The following PACS1 variants were observed in gnomAD, a reference collection of about 807,000 sequenced individuals.
PACS1 encodes phosphofurin acidic cluster sorting protein 1, also known as PACS-1.
Under a neutral mutation model 115.0 loss-of-function variants are expected in PACS1, and 24 were observed. The ratio of observed to expected loss-of-function variants is 0.21; its 90% CI spans 0.15 to 0.29. The LOEUF is 0.29. PACS1 is among the 10% of genes least tolerant of loss of function. PACS1 has a pLI of 1.00. For missense variants in PACS1, 838 were observed against 1,251.2 expected (o/e 0.67, Z 4.98); for synonymous variants, 453 against 504.5 (o/e 0.90, Z 1.37).
intron 1 of PACS1, among the ~76,000 whole-genome samples, chr11:66,076,537 C>T (rs936856705): frequency 1.3e-5 from 2 of 152,034 alleles, no homozygotes; most frequent in Non-Finnish European, 2.9e-5. Flanking sequence ...GGACTATAGG[C>T]GCACGCCACC....
chr11:66,130,103 A>G (rs1380692006), intron 1 of PACS1, among the ~76,000 whole-genome samples: 1 of 152,204 alleles, frequency 6.6e-6, no homozygotes, highest in East Asian at 1.9e-4. Context: ...TTTTGGGTGC[A>G]TGAGGATGAA....
intron 1 of PACS1, among the ~76,000 whole-genome samples, chr11:66,175,128 G>C (rs914201588): frequency 6.6e-6 from 1 of 151,666 alleles, no homozygotes; most frequent in African/African-American, 2.4e-5. Context: ...TGGTGCAACT[G>C]GTCTGCCTGG....
At chr11:66,242,640 T>C (rs568363947) in intron 22 of PACS1, among the ~76,000 whole-genome samples, 23 of 152,222 alleles carry the variant, frequency 1.5e-4, no homozygotes, top group African/African-American at 5.5e-4. Context: ...TGGAAAGGAC[T>C]TCAGAGACCA....
intron 9 of PACS1, 140 bp downstream of exon 9, chr11:66,220,931 A>T: frequency 9.4e-7 from 1 of 1,067,324 alleles, no homozygotes; most frequent in South Asian, 1.6e-5. Flanking sequence ...GTCTTGGAGA[A>T]GGTCACTGTT....
chr11:66,242,854 G>A, intron 22 of PACS1, 58 bp from the exon 23 acceptor site: 1 of 1,609,182 alleles, frequency 6.2e-7, no homozygotes, highest in Non-Finnish European at 8.5e-7. Context: ...GGCTGGGGAG[G>A]AGAGGGGTGG....
chr11:66,189,704 G>A (rs768064431), intron 1 of PACS1, among the ~76,000 whole-genome samples: 1 of 152,168 alleles, frequency 6.6e-6, no homozygotes, highest in Non-Finnish European at 1.5e-5. Flanking sequence ...CCTGTGAGAC[G>A]TTTATCTTGC....
rs764250718 is a variant in PACS1, at chr11:66,216,508, T to A, written c.806-12T>A. Reference sequence around the variant, plus strand: ...CCATTGCAAGGTTATCTTACTCAGGTGTCTGTTGCAGATCGTTCTCCTGAT... The same window carrying A: ...CCATTGCAAGGTTATCTTACTCAGGAGTCTGTTGCAGATCGTTCTCCTGAT... On this transcript the variant is annotated splice_polypyrimidine_tract_variant and intron_variant, in intron 5 of 23. Transcript: ENST00000320580. 6.2e-7 allele frequency: 1 copy of A among 1,604,964 alleles called. No homozygotes were observed. Among genetic ancestry groups the A allele is most frequent in the Non-Finnish European group, 8.5e-7 (1 of 1,171,762 alleles).
rs147132058 is a variant in PACS1, at chr11:66,155,029, A to G, written c.357-38457A>G. Among the ~76,000 whole-genome samples, 5 of 152,350 alleles carry G rather than the reference A, an allele frequency of 3.3e-5. No individual in the cohort carries two copies. The East Asian group carries it at 9.6e-4, about 29-fold the overall frequency. ...GCAGCAAAGGTCCTGAGGCAATTCA[A>G]TGGGGAAAGGAACATCTTTTCAACA... On this transcript the variant is annotated intron_variant, in intron 1 of 23. Coordinates refer to ENST00000320580, the MANE Select transcript of PACS1 (RefSeq NM_018026.4).
intron 1 of PACS1, among the ~76,000 whole-genome samples, chr11:66,170,813 T>G (rs960536562): frequency 6.9e-6 from 1 of 145,754 alleles, no homozygotes; most frequent in Non-Finnish European, 1.5e-5. Flanking sequence ...TGTGGTGGCA[T>G]GCACGTTAGT....
chr11:66,220,541 A>T, intron 8 of PACS1, 90 bp from the exon 9 acceptor site: 1 of 1,262,798 alleles, frequency 7.9e-7, no homozygotes, highest in Non-Finnish European at 1.1e-6. Context: ...AAGCAGGACT[A>T]TAAGGGCAGC....
intron 1 of PACS1, among the ~76,000 whole-genome samples, chr11:66,089,515 T>C (rs894504693): frequency 6.6e-6 from 1 of 152,180 alleles, no homozygotes; most frequent in African/African-American, 2.4e-5. Flanking sequence ...GATTGAACGC[T>C]GGACTTGGAA....
chr11:66,075,228 C>T (rs1226881654), intron 1 of PACS1, among the ~76,000 whole-genome samples: 3 of 152,090 alleles, frequency 2.0e-5, no homozygotes, highest in Non-Finnish European at 4.4e-5. Context: ...CAGGCGTGAG[C>T]CACCATGCCC....
chr11:66,134,133 C>G (rs1296736458), intron 1 of PACS1, among the ~76,000 whole-genome samples: 2 of 152,012 alleles, frequency 1.3e-5, no homozygotes, highest in East Asian at 3.9e-4. Context: ...AGCGTAATTC[C>G]CCACCATCCC....
intron 1 of PACS1, among the ~76,000 whole-genome samples, chr11:66,101,862 A>G (rs1857927589): frequency 6.6e-6 from 1 of 152,192 alleles, no homozygotes; most frequent in Non-Finnish European, 1.5e-5. Context: ...ACTTGCTGTT[A>G]GTGGTGGGCC....
At chr11:66,086,300 G>C (rs993930018) in intron 1 of PACS1, among the ~76,000 whole-genome samples, 14 of 150,858 alleles carry the variant, frequency 9.3e-5, no homozygotes, top group African/African-American at 2.9e-4. Flanking sequence ...TACCTCGCCC[G>C]GCTAATTTTT....
chr11:66,234,649 C>T (rs917182512), intron 17 of PACS1, among the ~76,000 whole-genome samples: 2 of 152,084 alleles, frequency 1.3e-5, no homozygotes, highest in Admixed American at 6.6e-5. Context: ...GTCAAGGGCA[C>T]GGTGGATCAC....
At chr11:66,170,873 G>C (rs1366467883) in intron 1 of PACS1, among the ~76,000 whole-genome samples, 1 of 144,130 alleles carries the variant, frequency 6.9e-6, no homozygotes, top group East Asian at 2.0e-4. Flanking sequence ...TTGTGCTACT[G>C]CACTCCAGCC....
At chr11:66,137,262 TTGTGTG>T (rs369885391) in intron 1 of PACS1, among the ~76,000 whole-genome samples, 2 of 150,472 alleles carry the variant, frequency 1.3e-5, no homozygotes, top group African/African-American at 2.4e-5. Context: ...GTGTTTGTGT[TTGTGTG>T]TGTGTGTGTG....
chr11:66,121,077 T>C (rs1858429446), intron 1 of PACS1: 1 of 456,290 alleles, frequency 2.2e-6, no homozygotes, highest in Non-Finnish European at 4.4e-6. Context: ...AGTAAGTCTG[T>C]CGGCACTGTT....
Sources: allele counts gnomAD v4.1 joint callset (sites outside exome capture counted in the v4.1 genomes callset), GRCh38; gene constraint gnomAD v4.1.1; transcripts MANE v1.5; gene names NCBI Gene and HGNC (gene_info 2026-07-23, HGNC 2026-07-21).